ZNHIT6: variants seen among roughly 807,000 people sequenced by gnomAD.
The protein encoded by ZNHIT6 is zinc finger HIT-type containing 6.
A neutral mutation model predicts 57.2 loss-of-function variants in ZNHIT6; 45 were observed. The observed-to-expected ratio is 0.79, with a 90% CI of 0.62 to 1.01. The LOEUF is 1.01. ZNHIT6 is among the 50% of genes least tolerant of loss of function. ZNHIT6 has a pLI of 0.00. For synonymous variants in ZNHIT6, 188 were observed against 190.0 expected (o/e 0.99, Z 0.09); for missense variants, 528 against 567.3 (o/e 0.93, Z 0.70).
In ZNHIT6 at chr1:85,708,079, TC is replaced by T. The variant is rs779836866; in HGVS notation, c.205del (p.Glu69ArgfsTer7). On this transcript the variant is annotated frameshift_variant, in exon 1 of 10. Transcript: ENST00000370574. LOFTEE classifies it high-confidence loss of function. ...TACCGTTAGGTCCATCGGTATTTCC[TC>T]TGGCCTTTGTCCACTTCCTTCCTCT... is the stretch of plus-strand genomic sequence containing the variant. ...DGEEGSGQRP[E>X]EIPMDLTVVK... 1 of 1,614,150 alleles carries T rather than the reference TC, an allele frequency of 6.2e-7. No individual in the cohort carries two copies. Among genetic ancestry groups the T allele is most frequent in the South Asian group, 1.1e-5 (1 of 91,084 alleles).
chr1:85,659,109 T>C (rs1406220430), intron 8 of ZNHIT6, among the ~76,000 whole-genome samples: 7 of 152,160 alleles, frequency 4.6e-5, no homozygotes, highest in Non-Finnish European at 1.0e-4. Flanking sequence ...TATATTGCCA[T>C]GTAAAATTTA....
chr1:85,697,755 T>C (rs558359708), intron 5 of ZNHIT6, among the ~76,000 whole-genome samples: 16 of 152,326 alleles, frequency 1.1e-4, no homozygotes, highest in Admixed American at 3.3e-4. Context: ...CCCATTGATA[T>C]TCTGACTAGG....
chr1:85,695,844 G>A (rs1004684166), intron 5 of ZNHIT6, among the ~76,000 whole-genome samples: 4 of 152,226 alleles, frequency 2.6e-5, no homozygotes, highest in African/African-American at 9.6e-5. Flanking sequence ...AGACCATCCT[G>A]GCTAACAGGG....
chr1:85,696,438 G>A (rs759418799), intron 5 of ZNHIT6, among the ~76,000 whole-genome samples: 1 of 151,672 alleles, frequency 6.6e-6, no homozygotes, highest in Non-Finnish European at 1.5e-5. Flanking sequence ...TTGCTTAATG[G>A]CTGCATGGAA....
chr1:85,683,048 C>T (rs1249383901), intron 5 of ZNHIT6, among the ~76,000 whole-genome samples: 1 of 152,008 alleles, frequency 6.6e-6, no homozygotes, highest in African/African-American at 2.4e-5. Context: ...GATACCCCAT[C>T]TCTACAAAAA....
chr1:85,673,251 CTGAA>C (rs1661612514), intron 8 of ZNHIT6, among the ~76,000 whole-genome samples: 1 of 152,134 alleles, frequency 6.6e-6, no homozygotes, highest in Non-Finnish European at 1.5e-5. Context: ...TCACTGTTTG[CTGAA>C]TGAATAAGTG....
At chr1:85,669,180 G>A (rs962267545) in intron 8 of ZNHIT6, among the ~76,000 whole-genome samples, 7 of 152,116 alleles carry the variant, frequency 4.6e-5, no homozygotes, top group African/African-American at 1.7e-4. Context: ...CAGGAAGGAA[G>A]AATAACTGGC....
At chr1:85,663,337 T>G (rs1661276163) in intron 8 of ZNHIT6, among the ~76,000 whole-genome samples, 1 of 152,188 alleles carries the variant, frequency 6.6e-6, no homozygotes, top group African/African-American at 2.4e-5. Flanking sequence ...GACAAACAGG[T>G]CTGAGTCCAA....
chr1:85,673,004 A>C (rs1286270671), intron 8 of ZNHIT6, among the ~76,000 whole-genome samples: 2 of 152,220 alleles, frequency 1.3e-5, no homozygotes, highest in Non-Finnish European at 2.9e-5. Flanking sequence ...AGTGGGCAGT[A>C]ATACAACAGC....
At chr1:85,672,103 T>C (rs1350084884) in intron 8 of ZNHIT6, among the ~76,000 whole-genome samples, 2 of 152,124 alleles carry the variant, frequency 1.3e-5, no homozygotes, top group Non-Finnish European at 2.9e-5. Context: ...TAGAGTAAGG[T>C]CATTCTTTTC....
Position 85,653,914 on chromosome 1 carries a change from T to A in ZNHIT6, c.*144A>T. ...AATTCAAGAGGTTATAAAATACATT[T>A]TTTAAAAGAGTTAAGCTTATTTTTC... On this transcript the variant is annotated 3_prime_UTR_variant, in exon 10 of 10. Coordinates refer to ENST00000370574, the MANE Select transcript of ZNHIT6 (RefSeq NM_017953.4). 1.6e-6 allele frequency: 1 copy of A among 641,694 alleles called. No homozygotes were observed. The highest frequency in any genetic ancestry group is 2.7e-6 in the Non-Finnish European group (1 of 370,714). The allele number at this position is 641,694 out of a possible 1,614,324, so 39.8% of individuals were successfully genotyped here. A position where few individuals can be genotyped will look rare whatever the true frequency, so the allele number is the denominator to read the frequency against.
At chr1:85,689,228 A>G in intron 5 of ZNHIT6, among the ~76,000 whole-genome samples, 1 of 152,290 alleles carries the variant, frequency 6.6e-6, no homozygotes, top group Non-Finnish European at 1.5e-5. Flanking sequence ...CTTCAAGAAA[A>G]ATACAAAATC....
At chr1:85,674,911 G>A (rs979041524) in intron 8 of ZNHIT6, among the ~76,000 whole-genome samples, 1 of 140,906 alleles carries the variant, frequency 7.1e-6, no homozygotes, top group African/African-American at 2.5e-5. Context: ...AAGATAAACA[G>A]GGGATACTGA....
chr1:85,667,526 T>C (rs1661400787), intron 8 of ZNHIT6, among the ~76,000 whole-genome samples: 3 of 151,882 alleles, frequency 2.0e-5, no homozygotes. Flanking sequence ...ACATAATTTA[T>C]GGTGTATTGT....
intron 8 of ZNHIT6, among the ~76,000 whole-genome samples, chr1:85,661,150 C>A (rs940930810): frequency 6.6e-6 from 1 of 152,016 alleles, no homozygotes; most frequent in African/African-American, 2.4e-5. Flanking sequence ...ATAAAGAAAG[C>A]CTATCAGACA....
intron 4 of ZNHIT6, among the ~76,000 whole-genome samples, chr1:85,703,471 C>T (rs953038204): frequency 7.2e-5 from 11 of 152,014 alleles, no homozygotes; most frequent in East Asian, 1.9e-4. Flanking sequence ...AAAGACAAGG[C>T]CACAAAATGA....
At position 85,654,080 on chromosome 1, in the gene ZNHIT6, T is replaced by C; in HGVS notation, c.1391A>G (p.Lys464Arg). Residue 464 changes from lysine to arginine, a missense_variant, in exon 10 of 10, where the codon AAG becomes AGG. Lys to Arg is a conservative substitution (Grantham distance 26). Transcript: ENST00000370574. ...VLHQVKSESTKNVGNEN is the reference protein window; with the variant it reads ...VLHQVKSESTRNVGNEN ...TGCTCAATTTTCATTGCCAACGTTC[T>C]TGGTAGATTCACTCTTCACTAGAAA... is the stretch of plus-strand genomic sequence containing the variant. 6.2e-7 allele frequency: 1 copy of C among 1,612,498 alleles called. No homozygotes were observed. The highest frequency in any genetic ancestry group is 8.5e-7 in the Non-Finnish European group (1 of 1,179,390).
rs1225608740 is a variant in ZNHIT6 at position 85,653,419 on chromosome 1, T to C, written c.*639A>G. On this transcript the variant is annotated 3_prime_UTR_variant, in exon 10 of 10. Coordinates refer to ENST00000370574, the MANE Select transcript of ZNHIT6 (RefSeq NM_017953.4). Reference sequence around the variant, plus strand: ...GGTTCTACTAAAGGGAATGCCAACTTTGTGGTTGACATGGGTGATCCTTGG... The same window carrying C: ...GGTTCTACTAAAGGGAATGCCAACTCTGTGGTTGACATGGGTGATCCTTGG... The C allele has an allele frequency of 6.6e-6, 1 of 152,068 alleles. No individual in the cohort carries two copies. Among genetic ancestry groups the C allele is most frequent in the Admixed American group, 6.6e-5 (1 of 15,244 alleles). 9.4% of individuals were successfully genotyped at this position (152,068 alleles called of 1,614,324 possible).
intron 8 of ZNHIT6, among the ~76,000 whole-genome samples, chr1:85,660,137 A>G (rs1300496389): frequency 6.6e-6 from 1 of 152,328 alleles, no homozygotes; most frequent in Admixed American, 6.5e-5. Flanking sequence ...AATTATATAA[A>G]AAAGAAAAAT....
Sources: gnomAD v4.1 joint callset for allele counts (sites outside exome capture counted in the v4.1 genomes callset) on GRCh38, gnomAD v4.1.1 for gene constraint, MANE v1.5 for transcripts, NCBI Gene and HGNC (gene_info 2026-07-23, HGNC 2026-07-21) for gene names.